Variants in DYNC2I1 observed in about 807,000 individuals in gnomAD.
DYNC2I1 encodes dynein 2 intermediate chain 1.
In DYNC2I1, 89 loss-of-function variants were observed where a neutral mutation model predicts 133.4. That is an observed-to-expected ratio of 0.67 (90% CI 0.56 to 0.80). The LOEUF (loss-of-function observed/expected upper bound fraction) is 0.80. DYNC2I1 is among the 30% of genes least tolerant of loss of function. The probability of loss-of-function intolerance (pLI) is 0.00; values close to 1 mark genes in which losing one functional copy is unlikely to be tolerated. For missense variants in DYNC2I1, 1,291 were observed against 1,314.5 expected (o/e 0.98, Z 0.28); for synonymous variants, 504 against 484.3 (o/e 1.04, Z -0.54).
chr7:158,864,921 G>A lies in DYNC2I1; in HGVS notation c.16-4934G>A, dbSNP rs575274815. ...GAGGAGGCTGGGTTAGAAAGCAAGG[G>A]GAGAAGCCCACTGCCCACAGGTGGC... is the stretch of plus-strand genomic sequence containing the variant. On this transcript the variant is annotated intron_variant, in intron 1 of 24. Transcript: ENST00000407559. 2.0e-4 allele frequency among the ~76,000 whole-genome samples: 31 copies of A among 152,322 alleles called. No individual in the cohort carries two copies. In the East Asian group the frequency reaches 3.1e-3, roughly 15 times the overall value.
intron 21 of DYNC2I1, among the ~76,000 whole-genome samples, chr7:158,932,231 G>A (rs1051952230): frequency 6.6e-6 from 1 of 152,222 alleles, no homozygotes; most frequent in Non-Finnish European, 1.5e-5. Context: ...AGGACGAAGT[G>A]TGCTGTCAGG....
chr7:158,875,470 G>A (rs544275466), intron 3 of DYNC2I1, among the ~76,000 whole-genome samples: 4 of 152,184 alleles, frequency 2.6e-5, no homozygotes, highest in Non-Finnish European at 5.9e-5. Flanking sequence ...CTTTTAAAGT[G>A]TCCACTCTCT....
At chr7:158,869,186 C>A (rs980918104) in intron 1 of DYNC2I1, among the ~76,000 whole-genome samples, 1 of 151,748 alleles carries the variant, frequency 6.6e-6, no homozygotes, top group African/African-American at 2.4e-5. Flanking sequence ...CCCCTCTGGG[C>A]CCGTGGCTGT....
chr7:158,930,505 T>A lies in DYNC2I1; in HGVS notation c.2536T>A (p.Leu846Met). ...GCTGGTACATAGTGCTCTGATCCAG[T>A]TGGGTGACAGGTAAGATGTGAGGGA... ...VKLVHSALIQ[L>M]GDSLSHKGNE... is the part of the protein sequence containing the mutation. The change falls in exon 21 of 25, where the codon TTG (leucine) becomes ATG (methionine). Residue 846 changes from leucine to methionine, a missense_variant. Leu to Met is a conservative substitution (Grantham distance 15, BLOSUM62 2). Transcript: ENST00000407559. 1 of 1,612,806 alleles carries A rather than the reference T, an allele frequency of 6.2e-7. No homozygotes were observed. Among genetic ancestry groups the A allele is most frequent in the Non-Finnish European group, 8.5e-7 (1 of 1,179,504 alleles).
At chr7:158,853,512 C>T (rs1007871780), upstream of DYNC2I1, among the ~76,000 whole-genome samples, 1 of 152,136 alleles carries the variant, frequency 6.6e-6, no homozygotes, top group Non-Finnish European at 1.5e-5. Context: ...TCGTTTTAGA[C>T]CTTAGTTTTT....
At chr7:158,949,277 A>G (rs115563954), downstream of DYNC2I1, among the ~76,000 whole-genome samples, 540 of 152,378 alleles carry the variant, frequency 3.5e-3, 4 homozygotes, top group African/African-American at 0.012. Flanking sequence ...CACAGTCCTG[A>G]ATGCGGAAGT....
chr7:158,869,782 A>G (rs1199554466), intron 1 of DYNC2I1, 73 bp from the exon 2 acceptor site: 12 of 1,190,528 alleles, frequency 1.0e-5, no homozygotes, highest in Non-Finnish European at 1.3e-5. Context: ...AAATGGCATA[A>G]TGAAAAAGCA....
intron 14 of DYNC2I1, among the ~76,000 whole-genome samples, chr7:158,915,353 G>A (rs1585143027): frequency 6.8e-5 from 8 of 117,016 alleles, no homozygotes; most frequent in East Asian, 2.3e-4. Flanking sequence ...ACGTCGACAC[G>A]CTGGTTGACA....
intron 17 of DYNC2I1, among the ~76,000 whole-genome samples, chr7:158,925,046 G>A (rs1224909074): frequency 3.8e-4 from 58 of 152,126 alleles, no homozygotes; most frequent in South Asian, 2.1e-4. Context: ...ATAAGCCACC[G>A]CACCCGGCCT....
upstream of DYNC2I1, among the ~76,000 whole-genome samples, chr7:158,854,541 AGATGAC>A (rs1841124430): frequency 6.6e-6 from 1 of 152,170 alleles, no homozygotes; most frequent in African/African-American, 2.4e-5. Context: ...TACCTAATGT[AGATGAC>A]GGGTTGATGG....
chr7:158,929,255 C>A (rs6957744), intron 20 of DYNC2I1, among the ~76,000 whole-genome samples: 22,226 of 152,216 alleles, frequency 0.15, 1,808 homozygotes, highest in Non-Finnish European at 0.17. Flanking sequence ...AGGAGTCAGC[C>A]ACCATCTTTT....
chr7:158,866,381 CCT>C (rs1219758659), intron 1 of DYNC2I1, among the ~76,000 whole-genome samples: 1 of 151,480 alleles, frequency 6.6e-6, no homozygotes, highest in African/African-American at 2.4e-5. Context: ...CTGGGTGTCC[CCT>C]CTCTGTGGTG....
At chr7:158,891,494 C>T (rs56304557) in intron 8 of DYNC2I1, among the ~76,000 whole-genome samples, 161 bp downstream of exon 8, 3,209 of 152,298 alleles carry the variant, frequency 0.021, 107 homozygotes, top group African/African-American at 0.073. Context: ...ATATGAAATT[C>T]ATACTTGCCC....
Position 158,879,841 on chromosome 7 carries a change from A to G in DYNC2I1, c.731A>G (p.Lys244Arg), listed in dbSNP as rs755850270. ...REKREKYSKE[K>R]SNSFSDKGEE... ...AAAAGAGAGAAATATTCCAAAGAGA[A>G]AAGTAATTCATTCTCTGACAAAGGG... The change falls in exon 5 of 25, where the codon AAA becomes AGA. Residue 244 changes from lysine (K) to arginine (R), a missense_variant. Coordinates refer to ENST00000407559, the MANE Select transcript of DYNC2I1 (RefSeq NM_018051.5). The G allele has an allele frequency of 1.9e-5, 31 of 1,613,496 alleles. No individual in the cohort carries two copies. The highest frequency in any genetic ancestry group is 2.6e-5 in the Non-Finnish European group (31 of 1,179,746).
chr7:158,861,496 A>T (rs970069849), intron 1 of DYNC2I1, among the ~76,000 whole-genome samples: 3 of 152,162 alleles, frequency 2.0e-5, no homozygotes, highest in African/African-American at 7.2e-5. Flanking sequence ...ACCACTCGAA[A>T]GTCTGGCATC....
At chr7:158,864,316 A>G (rs1432301108) in intron 1 of DYNC2I1, among the ~76,000 whole-genome samples, 1 of 152,086 alleles carries the variant, frequency 6.6e-6, no homozygotes, top group Non-Finnish European at 1.5e-5. Context: ...GTCCATGTAG[A>G]TGAATGTCAC....
chr7:158,865,139 T>C (rs969229766), intron 1 of DYNC2I1, among the ~76,000 whole-genome samples: 8 of 152,134 alleles, frequency 5.3e-5, no homozygotes, highest in Non-Finnish European at 1.2e-4. Flanking sequence ...GGGCTGTGAG[T>C]GTCCTCCCTG....
intron 1 of DYNC2I1, among the ~76,000 whole-genome samples, chr7:158,859,488 A>G (rs1841679700): frequency 6.6e-6 from 1 of 151,704 alleles, no homozygotes; most frequent in Non-Finnish European, 1.5e-5. Flanking sequence ...TTTTATTCTG[A>G]TACATATTTA....
At chr7:158,847,781 A>G in the DYNC2I1 span, among the ~76,000 whole-genome samples, 4 of 152,176 alleles carry the variant, frequency 2.6e-5, no homozygotes, top group African/African-American at 9.7e-5. Flanking sequence ...ACAAAAGGAA[A>G]AATTAAGCCA....
Sources: allele counts gnomAD v4.1 joint callset (sites outside exome capture counted in the v4.1 genomes callset), GRCh38; gene constraint gnomAD v4.1.1; transcripts MANE v1.5; gene names NCBI Gene and HGNC (gene_info 2026-07-23, HGNC 2026-07-21).